The following CADPS variants were observed in gnomAD, a reference collection of about 807,000 sequenced individuals.
The protein encoded by CADPS is calcium dependent secretion activator.
In CADPS, 57 loss-of-function variants were observed where a neutral mutation model predicts 167.3. That is an observed-to-expected ratio of 0.34 (90% CI 0.28 to 0.42). CADPS has a LOEUF of 0.42. Among genes scored for constraint, CADPS ranks in the 20% least tolerant of loss-of-function variants. The probability of loss-of-function intolerance (pLI) is 1.00; values close to 1 mark genes in which losing one functional copy is unlikely to be tolerated. For missense variants in CADPS, 1,414 were observed against 1,738.1 expected, an observed-to-expected ratio of 0.81 and a Z score of 3.32; for synonymous variants, 676 against 635.3, an observed-to-expected ratio of 1.06 and a Z score of -0.96.
At chr3:62,768,624 C>T (rs1420340008) in intron 1 of CADPS, among the ~76,000 whole-genome samples, 1 of 152,032 alleles carries the variant, frequency 6.6e-6, no homozygotes, top group East Asian at 1.9e-4. Flanking sequence ...ACACTCAACC[C>T]CTGATCTCAC....
At chr3:62,459,514 GTCTT>G (rs896771640) in intron 26 of CADPS, among the ~76,000 whole-genome samples, 1 of 152,038 alleles carries the variant, frequency 6.6e-6, no homozygotes, top group Admixed American at 6.6e-5. Context: ...TCACCTCCAG[GTCTT>G]TCTATCTTGG....
intron 4 of CADPS, among the ~76,000 whole-genome samples, chr3:62,655,110 T>C (rs78351904): frequency 0.066 from 10,071 of 152,204 alleles, 403 homozygotes; most frequent in South Asian, 0.15. Flanking sequence ...CAGTTCCTAA[T>C]GACATCATAA....
intron 17 of CADPS, among the ~76,000 whole-genome samples, chr3:62,510,907 C>T (rs2067672062): frequency 6.6e-6 from 1 of 152,100 alleles, no homozygotes; most frequent in African/African-American, 2.4e-5. Context: ...GCAATTGAGA[C>T]CTGATATACT....
intron 9 of CADPS, among the ~76,000 whole-genome samples, chr3:62,562,027 G>C (rs1336548593): frequency 4.6e-5 from 7 of 152,178 alleles, no homozygotes. Context: ...TAGCATGAAG[G>C]TAGACATTAA....
intron 1 of CADPS, among the ~76,000 whole-genome samples, chr3:62,865,120 T>C (rs947216749): frequency 1.3e-5 from 2 of 152,144 alleles, no homozygotes; most frequent in Non-Finnish European, 2.9e-5. Context: ...AAATCGCCAA[T>C]GTAGATGTTC....
intron 3 of CADPS, among the ~76,000 whole-genome samples, chr3:62,737,333 G>T (rs2079182856): frequency 6.6e-6 from 1 of 151,968 alleles, no homozygotes; most frequent in Admixed American, 6.6e-5. Flanking sequence ...GCCAGGTGTG[G>T]TGGCACATGC....
chr3:62,871,353 T>C (rs1267020764), intron 1 of CADPS, among the ~76,000 whole-genome samples: 3 of 152,132 alleles, frequency 2.0e-5, no homozygotes, highest in South Asian at 2.1e-4. Flanking sequence ...CTTTAAGAAG[T>C]TATACTTAAG....
chr3:62,451,882 G>A (rs538283249), intron 26 of CADPS, among the ~76,000 whole-genome samples: 3 of 152,192 alleles, frequency 2.0e-5, no homozygotes, highest in South Asian at 4.2e-4. Flanking sequence ...TGTGTGTCAA[G>A]GCAATTCAGT....
chr3:62,626,945 T>C (rs1312116591), intron 6 of CADPS, among the ~76,000 whole-genome samples: 1 of 152,204 alleles, frequency 6.6e-6, no homozygotes, highest in African/African-American at 2.4e-5. Context: ...GTTAAAGATA[T>C]GTGTCAGATT....
intron 21 of CADPS, among the ~76,000 whole-genome samples, chr3:62,488,553 C>T (rs984644595): frequency 1.3e-5 from 2 of 151,814 alleles, no homozygotes; most frequent in African/African-American, 4.8e-5. Flanking sequence ...AGTACAGTGG[C>T]AGGATCATGG....
At chr3:62,566,772 GGTT>G (rs1301591170) in intron 9 of CADPS, among the ~76,000 whole-genome samples, 2 of 152,120 alleles carry the variant, frequency 1.3e-5, no homozygotes, top group African/African-American at 2.4e-5. Context: ...GTGTCACAGA[GGTT>G]GTTAAGGGAG....
intron 6 of CADPS, among the ~76,000 whole-genome samples, chr3:62,612,835 T>C (rs2061685938): frequency 6.6e-6 from 1 of 152,188 alleles, no homozygotes; most frequent in Non-Finnish European, 1.5e-5. Flanking sequence ...CATTCATCCA[T>C]TCACCCACCT....
intron 6 of CADPS, among the ~76,000 whole-genome samples, chr3:62,628,581 T>C (rs1048391338): frequency 1.3e-4 from 19 of 148,956 alleles, no homozygotes; most frequent in African/African-American, 3.7e-4. Context: ...TCTACTCCTT[T>C]ACACACACAC....
At chr3:62,508,990 T>TTATG (rs2067202627) in intron 17 of CADPS, among the ~76,000 whole-genome samples, 1 of 151,944 alleles carries the variant, frequency 6.6e-6, no homozygotes, top group African/African-American at 2.4e-5. Flanking sequence ...AAACCCTGAT[T>TTATG]TATGCACCAC....
chr3:62,757,960 A>G (rs943341959), intron 2 of CADPS, among the ~76,000 whole-genome samples: 1 of 152,350 alleles, frequency 6.6e-6, no homozygotes, highest in East Asian at 1.9e-4. Context: ...ACCTGCTCCC[A>G]TGATTCAATT....
At chr3:62,738,130 C>T (rs1197124214) in intron 3 of CADPS, among the ~76,000 whole-genome samples, 1 of 152,052 alleles carries the variant, frequency 6.6e-6, no homozygotes, top group South Asian at 2.1e-4. Context: ...AATGGTGCAT[C>T]CAGTCTTACA....
chr3:62,704,445 AT>A (rs1282003189), intron 3 of CADPS, among the ~76,000 whole-genome samples: 1 of 152,088 alleles, frequency 6.6e-6, no homozygotes, highest in Non-Finnish European at 1.5e-5. Context: ...CGATTTAATG[AT>A]ATCTAAGGAA....
rs180960336 is a variant in CADPS, at chr3:62,492,446, C to A, written c.2728G>T (p.Ala910Ser). ...ATTAAATCTGACCACCACGCAAAGG[C>A]CTTTAAAATTTGGCAGAAAAACAAT... The part of the protein sequence containing the change: ...HAEPHVDKGE[A>S]FAWWSDLMVE... Residue 910 changes from alanine to serine, a missense_variant and splice_region_variant, in exon 20 of 30, where the codon GCC becomes TCC. By Grantham distance (99) the Ala-to-Ser change is moderately conservative. This residue lies in a region of CADPS where 529 missense variants were observed against 629.6 expected (regional missense o/e 0.84). Coordinates refer to ENST00000383710, the MANE Select transcript of CADPS (RefSeq NM_003716.4). 5.0e-6 allele frequency: 8 copies of A among 1,611,342 alleles called. No individual in the cohort carries two copies. The highest frequency in any genetic ancestry group is 8.5e-7 in the Non-Finnish European group (1 of 1,178,392).
At chr3:62,604,391 A>G (rs2060402213) in intron 6 of CADPS, among the ~76,000 whole-genome samples, 1 of 152,332 alleles carries the variant, frequency 6.6e-6, no homozygotes, top group African/African-American at 2.4e-5. Context: ...TGTGGTGAGG[A>G]CAGGAACAAT....
Sources: allele counts gnomAD v4.1 joint callset (sites outside exome capture counted in the v4.1 genomes callset), GRCh38; gene constraint gnomAD v4.1.1; regional missense constraint gnomAD v4.1.1; transcripts MANE v1.5; gene names NCBI Gene and HGNC (gene_info 2026-07-23, HGNC 2026-07-21).